Variants in PTPRD observed in about 807,000 individuals in gnomAD.
PTPRD encodes protein tyrosine phosphatase receptor type D, also known as receptor-type tyrosine-protein phosphatase delta.
A neutral mutation model predicts 214.5 loss-of-function variants in PTPRD; 34 were observed. That is an observed-to-expected ratio of 0.16 (90% CI 0.12 to 0.21). The LOEUF (loss-of-function observed/expected upper bound fraction) is 0.21. PTPRD is among the 10% of genes least tolerant of loss of function. The pLI, the probability that PTPRD is intolerant of heterozygous loss-of-function variation, is 1.00. For synonymous variants in PTPRD, 1,128 were observed against 845.7 expected (o/e 1.33, Z -5.79); for missense variants, 2,545 against 2,398.7 (o/e 1.06, Z -1.27).
At chr9:9,467,587 C>T in intron 8 of PTPRD, among the ~76,000 whole-genome samples, 1 of 13,884 alleles carries the variant, frequency 7.2e-5, no homozygotes, top group African/African-American at 2.5e-4. Context: ...ACTCCATCTC[C>T]CAAAAAAAAA....
At chr9:8,480,463 C>T (rs1328370914) in intron 30 of PTPRD, among the ~76,000 whole-genome samples, 1 of 152,104 alleles carries the variant, frequency 6.6e-6, no homozygotes, top group East Asian at 1.9e-4. Flanking sequence ...CTTTGCTTGT[C>T]CAAATTGCCC....
intron 11 of PTPRD, among the ~76,000 whole-genome samples, chr9:8,784,222 C>T (rs2095849791): frequency 6.6e-6 from 1 of 152,204 alleles, no homozygotes; most frequent in African/African-American, 2.4e-5. Context: ...ACTTATTTCA[C>T]TGTGGCAAAC....
rs981231793 is a variant in PTPRD, at chr9:9,395,051, T to C, written c.-203+2398A>G. ...CCTATAAATTCAATCCTGTGGGGAGTTGTGCATTCTACCATGTCTCCACCA... is the reference window on the plus strand; with the variant it reads ...CCTATAAATTCAATCCTGTGGGGAGCTGTGCATTCTACCATGTCTCCACCA... On this transcript the variant is annotated intron_variant, in intron 9 of 45. Transcript: ENST00000381196. 1.8e-4 allele frequency among the ~76,000 whole-genome samples: 27 copies of C among 151,676 alleles called. 1 individual carries two copies. Among genetic ancestry groups the C allele is most frequent in the African/African-American group, 5.8e-4 (24 of 41,274 alleles).
intron 11 of PTPRD, among the ~76,000 whole-genome samples, chr9:8,791,401 T>A (rs564879657): frequency 6.6e-6 from 1 of 151,902 alleles, no homozygotes; most frequent in Non-Finnish European, 1.5e-5. Flanking sequence ...AATTTTTGTA[T>A]TTTTAGTAGA....
At chr9:9,389,621 T>C (rs546678831) in intron 9 of PTPRD, among the ~76,000 whole-genome samples, 1 of 152,284 alleles carries the variant, frequency 6.6e-6, no homozygotes, top group South Asian at 2.1e-4. Flanking sequence ...ATACCAACCA[T>C]TGAGAAGCCT....
intron 3 of PTPRD, among the ~76,000 whole-genome samples, chr9:10,120,025 T>C (rs538080433): frequency 6.6e-6 from 1 of 152,032 alleles, no homozygotes; most frequent in Non-Finnish European, 1.5e-5. Context: ...GATAGAAACT[T>C]AGCTTTATGT....
chr9:8,380,737 C>T (rs1182372145), intron 37 of PTPRD, among the ~76,000 whole-genome samples: 2 of 152,112 alleles, frequency 1.3e-5, no homozygotes, highest in Non-Finnish European at 2.9e-5. Context: ...TCCATTAGGT[C>T]TGCTGAACAT....
chr9:8,492,806 C>A (rs2097178586), intron 27 of PTPRD, 56 bp downstream of exon 27: 1 of 1,280,932 alleles, frequency 7.8e-7, no homozygotes, highest in Non-Finnish European at 1.1e-6. Context: ...GCTACCTATA[C>A]CATTTAAAAA....
intron 9 of PTPRD, among the ~76,000 whole-genome samples, chr9:9,204,932 T>C (rs144843007): frequency 2.0e-4 from 30 of 152,284 alleles, no homozygotes; most frequent in African/African-American, 7.2e-4. Context: ...GGAGTTAGGA[T>C]ACACTTCCTC....
chr9:9,569,027 TG>T (rs933491110), intron 8 of PTPRD, among the ~76,000 whole-genome samples: 2 of 151,808 alleles, frequency 1.3e-5, no homozygotes, highest in African/African-American at 4.8e-5. Context: ...GAAAGTCAGT[TG>T]AGAAAATGCA....
At chr9:8,464,977 T>G (rs186437217) in intron 32 of PTPRD, among the ~76,000 whole-genome samples, 3 of 151,936 alleles carry the variant, frequency 2.0e-5, no homozygotes, top group Non-Finnish European at 4.4e-5. Flanking sequence ...TTGGCAGATA[T>G]AGGAGAATAA....
At chr9:8,742,590 G>A (rs905325515) in intron 11 of PTPRD, among the ~76,000 whole-genome samples, 1 of 152,018 alleles carries the variant, frequency 6.6e-6, no homozygotes, top group Non-Finnish European at 1.5e-5. Flanking sequence ...TCAATACATA[G>A]TACGGAAAAG....
chr9:10,068,116 T>A (rs1319278527), intron 3 of PTPRD, among the ~76,000 whole-genome samples: 2 of 151,926 alleles, frequency 1.3e-5, no homozygotes, highest in South Asian at 2.1e-4. Flanking sequence ...TACCAACACA[T>A]CTAGGAACAC....
chr9:8,549,996 C>A (rs1283901626), intron 14 of PTPRD, among the ~76,000 whole-genome samples: 2 of 152,050 alleles, frequency 1.3e-5, no homozygotes, highest in Non-Finnish European at 2.9e-5. Flanking sequence ...AACATTAAGA[C>A]AAACATCACT....
chr9:9,664,711 C>T (rs147046269), intron 7 of PTPRD, among the ~76,000 whole-genome samples: 24 of 151,790 alleles, frequency 1.6e-4, no homozygotes, highest in Non-Finnish European at 3.1e-4. Context: ...AGTATTATTA[C>T]TTAAGCAGAA....
chr9:8,340,114 GT>G (rs1337646635), intron 42 of PTPRD, among the ~76,000 whole-genome samples: 1 of 152,082 alleles, frequency 6.6e-6, no homozygotes, highest in Non-Finnish European at 1.5e-5. Context: ...CTCCATGCTT[GT>G]GCTTCACTGG....
chr9:9,030,298 T>TTTTTTTTG (rs1428622659), intron 10 of PTPRD, among the ~76,000 whole-genome samples: 1 of 142,780 alleles, frequency 7.0e-6, no homozygotes, highest in African/African-American at 2.8e-5. Flanking sequence ...TTTTTTTTTT[T>TTTTTTTTG]TTTTTTTTTT....
chr9:8,977,829 G>A (rs1409726266), intron 11 of PTPRD, among the ~76,000 whole-genome samples: 1 of 151,998 alleles, frequency 6.6e-6, no homozygotes, highest in Non-Finnish European at 1.5e-5. Context: ...GATATTTAGG[G>A]CTGGGAAAGA....
chr9:10,502,898 T>C (rs557223269), intron 2 of PTPRD, among the ~76,000 whole-genome samples: 2 of 152,042 alleles, frequency 1.3e-5, no homozygotes, highest in South Asian at 2.1e-4. Flanking sequence ...TTCTAACATA[T>C]TGATAGCAAT....
Sources: allele counts gnomAD v4.1 joint callset (sites outside exome capture counted in the v4.1 genomes callset), GRCh38; gene constraint gnomAD v4.1.1; transcripts MANE v1.5; gene names NCBI Gene and HGNC (gene_info 2026-07-23, HGNC 2026-07-21).